MACF1: variants seen among roughly 807,000 people sequenced by gnomAD.
The protein encoded by MACF1 is microtubule-actin cross-linking factor 1.
MACF1 carries 193 observed loss-of-function variants against 854.8 expected under a neutral mutation model. The ratio of observed to expected loss-of-function variants is 0.23; its 90% CI spans 0.20 to 0.25. The LOEUF (loss-of-function observed/expected upper bound fraction) is 0.25, where lower values mean the gene tolerates loss of function less well. Ranked by LOEUF, MACF1 falls within the 10% of genes least tolerant of loss-of-function variation. The pLI is 1.00. For missense variants in MACF1, 7,722 were observed against 8,929.1 expected (o/e 0.86, Z 5.45); for synonymous variants, 3,185 against 3,226.7 (o/e 0.99, Z 0.44).
At chr1:39,432,973 T>C (rs1381868721) in intron 67 of MACF1, 75 bp from the exon 68 acceptor site, 4 of 924,742 alleles carry the variant, frequency 4.3e-6, no homozygotes, top group Admixed American at 2.7e-5. Flanking sequence ...GGCTTTTTCA[T>C]AGATTTTGTC....
intron 35 of MACF1, among the ~76,000 whole-genome samples, chr1:39,325,937 A>G (rs1019580240): frequency 2.0e-5 from 3 of 152,136 alleles, no homozygotes; most frequent in Non-Finnish European, 4.4e-5. Context: ...GGCTCTGTCT[A>G]TGTGGTTGTG....
intron 67 of MACF1, 98 bp from the exon 68 acceptor site, chr1:39,432,950 C>A: frequency 1.3e-6 from 1 of 762,484 alleles, no homozygotes; most frequent in Non-Finnish European, 2.1e-6. Flanking sequence ...TGTATAAGAA[C>A]AATTTTTGAT....
intron 2 of MACF1, among the ~76,000 whole-genome samples, chr1:39,233,006 T>TG (rs1644801594): frequency 2.8e-5 from 4 of 141,672 alleles, no homozygotes; most frequent in African/African-American, 7.7e-5. Context: ...TCTTTCTTGT[T>TG]TTTGTTGTTG....
upstream of MACF1, among the ~76,000 whole-genome samples, chr1:39,201,191 G>C (rs1644385824): frequency 6.6e-6 from 1 of 152,006 alleles, no homozygotes; most frequent in African/African-American, 2.4e-5. Flanking sequence ...TTCCTTCTTT[G>C]TAATTACAGA....
chr1:39,327,146 T>C (rs1482953891), intron 35 of MACF1, 72 bp from the exon 36 acceptor site: 4 of 1,418,142 alleles, frequency 2.8e-6, no homozygotes, highest in Non-Finnish European at 3.8e-6. Flanking sequence ...AGTAGCAATT[T>C]TGAAGCAATA....
At chr1:39,131,420 C>T (rs1451192964) in intron 2 of MACF1, among the ~76,000 whole-genome samples, 1 of 151,778 alleles carries the variant, frequency 6.6e-6, no homozygotes, top group Non-Finnish European at 1.5e-5. Flanking sequence ...GCTATCCTCC[C>T]ACCTAAGCCT....
At position 39,258,047 on chromosome 1, in the gene MACF1, G is replaced by A. The variant is rs371747581; in HGVS notation, c.528+19G>A. The A allele has an allele frequency of 1.2e-4, 189 of 1,599,794 alleles. No individual in the cohort carries two copies. The highest frequency in any genetic ancestry group is 1.6e-4 in the Non-Finnish European group (183 of 1,167,100). ...TTTCCAGGTAGGGCATGTGAAGTTT[G>A]GAATTCCTGTTGCTTTGTTTGGACA... On this transcript the variant is annotated intron_variant, in intron 6 of 100. Transcript: ENST00000564288.
At chr1:39,265,834 A>G (rs1645224518) in intron 6 of MACF1, among the ~76,000 whole-genome samples, 1 of 152,192 alleles carries the variant, frequency 6.6e-6, no homozygotes, top group South Asian at 2.1e-4. Flanking sequence ...AATAAATGGG[A>G]AGAAAAGAAA....
intron 36 of MACF1, among the ~76,000 whole-genome samples, chr1:39,329,860 G>A (rs1356430600): frequency 1.3e-5 from 2 of 152,090 alleles, no homozygotes; most frequent in Non-Finnish European, 2.9e-5. Flanking sequence ...ACTGACCTTC[G>A]GACCTAACTC....
intron 2 of MACF1, among the ~76,000 whole-genome samples, chr1:39,143,443 A>G (rs1019763304): frequency 2.0e-5 from 3 of 152,158 alleles, no homozygotes; most frequent in African/African-American, 7.2e-5. Flanking sequence ...GAGAGGCCAG[A>G]TCTGTAGAGA....
rs1013637179 is a variant in MACF1, at chr1:39,412,206, T to C, written c.15817-10168T>C. The stretch of plus-strand genomic sequence containing the variant: ...CTGAGGGGAATGGTGAGGAGTGCAT[T>C]GAGAGGGTCACCTTCAGTTTTGCTT... On this transcript the variant is annotated intron_variant, in intron 58 of 100. Coordinates refer to ENST00000564288, the MANE Select transcript of MACF1 (RefSeq NM_001394062.1). 1.9e-6 allele frequency: 3 copies of C among 1,613,834 alleles called. No homozygotes were observed. In the African/African-American group the frequency reaches 4.0e-5, roughly 22 times the overall value.
At chr1:39,459,827 C>T (rs1314081986) in intron 91 of MACF1, 2 of 1,304,056 alleles carry the variant, frequency 1.5e-6, no homozygotes, top group African/African-American at 3.0e-5. Context: ...GCAGCTATGC[C>T]TGGAAGTGAG....
At chr1:39,099,921 A>C (rs149003886) in intron 2 of MACF1, among the ~76,000 whole-genome samples, 2 of 152,246 alleles carry the variant, frequency 1.3e-5, no homozygotes, top group African/African-American at 4.8e-5. Flanking sequence ...CTCTATAAAA[A>C]ATTTTTTTAA....
intron 2 of MACF1, among the ~76,000 whole-genome samples, chr1:39,236,441 C>T (rs1195059693): frequency 6.6e-6 from 1 of 152,214 alleles, no homozygotes; most frequent in Non-Finnish European, 1.5e-5. Context: ...AACACCTCTT[C>T]AGTAAGTATT....
intron 62 of MACF1, 59 bp downstream of exon 62, chr1:39,427,673 A>G: frequency 1.3e-6 from 2 of 1,529,642 alleles, no homozygotes; most frequent in Non-Finnish European, 1.8e-6. Flanking sequence ...CCTAGAAATG[A>G]GTAAACTGCC....
At chr1:39,443,848 C>T (rs1240711579) in intron 79 of MACF1, among the ~76,000 whole-genome samples, 1 of 152,016 alleles carries the variant, frequency 6.6e-6, no homozygotes, top group Non-Finnish European at 1.5e-5. Context: ...ATCAAGAAGA[C>T]AAATATACAA....
intron 2 of MACF1, among the ~76,000 whole-genome samples, chr1:39,245,988 T>A (rs1007257013): frequency 2.6e-5 from 4 of 152,246 alleles, no homozygotes; most frequent in Non-Finnish European, 5.9e-5. Context: ...GTAGGAAAGT[T>A]AAAAAACTTT....
intron 2 of MACF1, among the ~76,000 whole-genome samples, chr1:39,102,532 T>C (rs1571040930): frequency 6.6e-6 from 1 of 151,840 alleles, no homozygotes; most frequent in Admixed American, 6.6e-5. Context: ...GGTTATAATC[T>C]GGGAGGAAAG....
chr1:39,278,057 T>G (rs1239676105), intron 6 of MACF1, among the ~76,000 whole-genome samples: 12 of 152,180 alleles, frequency 7.9e-5, no homozygotes, highest in Non-Finnish European at 2.9e-5. Context: ...GAAATTCAAG[T>G]GGAATTTGCA....
Sources: gnomAD v4.1 joint callset for allele counts (sites outside exome capture counted in the v4.1 genomes callset) on GRCh38, gnomAD v4.1.1 for gene constraint, MANE v1.5 for transcripts, NCBI Gene and HGNC (gene_info 2026-07-23, HGNC 2026-07-21) for gene names.